Variants in VPREB3 observed in about 807,000 individuals in gnomAD.
VPREB3 encodes the protein V-set pre-B cell surrogate light chain 3.
Under a neutral mutation model 12.9 loss-of-function variants are expected in VPREB3, and 14 were observed. The ratio of observed to expected loss-of-function variants is 1.09; its 90% CI spans 0.72 to 1.70. VPREB3 has a LOEUF of 1.70. Among genes scored for constraint, VPREB3 ranks in the 40% most tolerant of loss-of-function variants. VPREB3 has a pLI of 0.00. For synonymous variants in VPREB3, 78 were observed against 70.1 expected (o/e 1.11, Z -0.56); for missense variants, 165 against 159.6 (o/e 1.03, Z -0.18).
At position 23,752,962 on chromosome 22, in the gene VPREB3, T is replaced by C; in HGVS notation, c.286A>G (p.Asn96Asp). 2 of 1,614,076 alleles carry C rather than the reference T, an allele frequency of 1.2e-6. No individual in the cohort carries two copies. Among genetic ancestry groups the C allele is most frequent in the African/African-American group, 1.3e-5 (1 of 74,996 alleles). The change falls in exon 2 of 2, where the codon AAT (asparagine) becomes GAT (aspartate). Residue 96 changes from asparagine to aspartate, a missense_variant. Asn to Asp is a conservative substitution (Grantham distance 23). Transcript: ENST00000248948. The part of the protein sequence containing the change: ...RFSAAKDEAH[N>D]ACVLTISPVQ... ...GGACTAATGGTGAGGACACAGGCAT[T>C]GTGGGCCTCATCCTTGGCTGCCGAG... is the stretch of plus-strand genomic sequence containing the variant.
chr22:23,754,373 C>T lies in VPREB3; in HGVS notation c.-10G>A. 1.2e-6 allele frequency: 2 copies of T among 1,606,786 alleles called. No homozygotes were observed. Among genetic ancestry groups the T allele is most frequent in the South Asian group, 1.1e-5 (1 of 89,460 alleles). On this transcript the variant is annotated 5_prime_UTR_variant, in exon 1 of 2. Coordinates refer to ENST00000248948, the MANE Select transcript of VPREB3 (RefSeq NM_013378.3). ...GGCACCGGCAGGCCATGGCCAGAGG[C>T]AGGGAGGCAGGCAAGTAGAAGTTCT...
At chr22:23,754,286 C>A in intron 1 of VPREB3, 29 bp downstream of exon 1, 1 of 1,583,322 alleles carries the variant, frequency 6.3e-7, no homozygotes, top group South Asian at 1.2e-5. Context: ...ACCCCACACC[C>A]AGGTGACTGA....
intron 1 of VPREB3, among the ~76,000 whole-genome samples, chr22:23,753,786 G>A (rs1925432630): frequency 6.6e-6 from 1 of 152,196 alleles, no homozygotes; most frequent in African/African-American, 2.4e-5. Flanking sequence ...CAGGGCTCTA[G>A]TGATCTGGTC....
chr22:23,754,344 C>T lies in VPREB3; in HGVS notation c.20G>A (p.Ser7Asn), dbSNP rs770720166. 6.2e-7 allele frequency: 1 copy of T among 1,609,848 alleles called. No individual in the cohort carries two copies. The highest frequency in any genetic ancestry group is 8.5e-7 in the Non-Finnish European group (1 of 1,178,332). The change falls in exon 1 of 2, where the codon AGC becomes AAC. Residue 7 changes from serine to asparagine, a missense_variant. By Grantham distance (46) the Ser-to-Asn change is conservative. Coordinates refer to ENST00000248948, the MANE Select transcript of VPREB3 (RefSeq NM_013378.3). Reference protein sequence around the residue: MACRCLSFLLMGTFLSV... With the variant: MACRCLNFLLMGTFLSV... ...CAGGAAGGTCCCCATCAGAAGGAAG[C>T]TGAGGCACCGGCAGGCCATGGCCAG...
chr22:23,752,995 C>T lies in VPREB3; in HGVS notation c.253G>A (p.Asp85Asn), dbSNP rs560432675. 24 of 1,614,114 alleles carry T rather than the reference C, an allele frequency of 1.5e-5. No homozygotes were observed. In the Admixed American group the frequency reaches 2.0e-4, roughly 13 times the overall value. Reference sequence around the variant, plus strand: ...TCATCCTTGGCTGCCGAGAATCGATCGGGGATGTCAGCAGGCCGGTGGTGA... The same window carrying T: ...TCATCCTTGGCTGCCGAGAATCGATTGGGGATGTCAGCAGGCCGGTGGTGA... ...EDHHRPADIP[D>N]RFSAAKDEAH... Residue 85 changes from aspartate to asparagine, a missense_variant, in exon 2 of 2, where the codon GAT becomes AAT. Transcript: ENST00000248948.
Position 23,754,316 on chromosome 22 carries a change from T to G in VPREB3, c.48A>C (p.Ser16=), listed in dbSNP as rs201154920. 290 of 1,604,340 alleles carry G rather than the reference T, an allele frequency of 1.8e-4. 2 individuals are homozygous for G. In the East Asian group the frequency reaches 6.3e-3, roughly 35 times the overall value. ...LSFLLMGTFL[S]VSQTVLAQLD... is the part of the protein sequence containing the mutation. ...GACTGAGGCCCAGGAAAGATTCACC[T>G]GACAGGAAGGTCCCCATCAGAAGGA... Residue 16 remains serine (S), a splice_region_variant and synonymous_variant, in exon 1 of 2, where the codon TCA becomes TCC. Transcript: ENST00000248948.
In VPREB3 at chr22:23,753,222, C is replaced by T. The variant is rs1228700162; in HGVS notation, c.50-24G>A. ...AACTGCGAGACACAAACCCACTCAG[C>T]CTGAGCCCCTTCCCTCCCACCCCTG... is the stretch of plus-strand genomic sequence containing the variant. On this transcript the variant is annotated intron_variant, in intron 1 of 1. Coordinates refer to ENST00000248948, the MANE Select transcript of VPREB3 (RefSeq NM_013378.3). 3 of 1,545,918 alleles carry T rather than the reference C, an allele frequency of 1.9e-6. No homozygotes were observed. In the African/African-American group the frequency reaches 4.1e-5, roughly 21 times the overall value.
Position 23,753,134 on chromosome 22 carries a change from G to C in VPREB3, c.114C>G (p.Leu38=). 1.2e-6 allele frequency: 2 copies of C among 1,613,206 alleles called. No homozygotes were observed. The highest frequency in any genetic ancestry group is 1.7e-6 in the Non-Finnish European group (2 of 1,179,628). ...CGTGCTGGGGGCTGAGCGTGCAGGAGAGTTGAGCCACTTGGCCTGGGAAGA... is the reference window on the plus strand; with the variant it reads ...CGTGCTGGGGGCTGAGCGTGCAGGACAGTTGAGCCACTTGGCCTGGGAAGA... ...LLVFPGQVAQ[L]SCTLSPQHVT... is the part of the protein sequence containing the mutation. Residue 38 remains leucine, a synonymous_variant, in exon 2 of 2, where the codon CTC becomes CTG. Coordinates refer to ENST00000248948, the MANE Select transcript of VPREB3 (RefSeq NM_013378.3).
rs753547021 is a variant in VPREB3, at chr22:23,752,905, A to G, written c.343T>C (p.Cys115Arg). The stretch of plus-strand genomic sequence containing the variant: ...GGACTAAAGCCGTAGCCAACAGAGC[A>G]GTAGTAATCCGCGTCGTCTTCAGGC... ...VQPEDDADYY[C>R]SVGYGFSP is the part of the protein sequence containing the mutation. The change falls in exon 2 of 2, where the codon TGC (cysteine) becomes CGC (arginine). Residue 115 changes from cysteine (C) to arginine (R), a missense_variant. By Grantham distance (180) the Cys-to-Arg change is radical. Coordinates refer to ENST00000248948, the MANE Select transcript of VPREB3 (RefSeq NM_013378.3). The G allele has an allele frequency of 1.9e-6, 3 of 1,613,996 alleles. No homozygotes were observed. The highest frequency in any genetic ancestry group is 1.7e-6 in the Non-Finnish European group (2 of 1,179,884).
In VPREB3 at chr22:23,753,076, G is replaced by C. The variant is rs200623624; in HGVS notation, c.172C>G (p.Gln58Glu). Residue 58 changes from glutamine (Q) to glutamate (E), a missense_variant, in exon 2 of 2, where the codon CAG becomes GAG. Transcript: ENST00000248948. ...CGAGGGGCACTGCCTGCCCGCTGCT[G>C]GTACCAGGACACACCGTAGTCCCTG... Reference protein sequence around the residue: ...TIRDYGVSWYQQRAGSAPRYL... With the variant: ...TIRDYGVSWYEQRAGSAPRYL... 1 of 1,614,166 alleles carries C rather than the reference G, an allele frequency of 6.2e-7. No individual in the cohort carries two copies. Among genetic ancestry groups the C allele is most frequent in the African/African-American group, 1.3e-5 (1 of 75,034 alleles).
At position 23,754,379 on chromosome 22, in the gene VPREB3, G is replaced by A. The variant is rs751753592; in HGVS notation, c.-16C>T. ...GGCAGGCCATGGCCAGAGGCAGGGA[G>A]GCAGGCAAGTAGAAGTTCTGCAAGG... On this transcript the variant is annotated 5_prime_UTR_variant, in exon 1 of 2. Transcript: ENST00000248948. 4.4e-6 allele frequency: 7 copies of A among 1,605,562 alleles called. No individual in the cohort carries two copies. In the East Asian group the frequency reaches 1.6e-4, roughly 36 times the overall value.
At position 23,753,039 on chromosome 22, in the gene VPREB3, T is replaced by G; in HGVS notation, c.209A>C (p.Tyr70Ser). 8.7e-6 allele frequency: 14 copies of G among 1,614,042 alleles called. No homozygotes were observed. The highest frequency in any genetic ancestry group is 1.2e-5 in the Non-Finnish European group (14 of 1,179,996). Reference protein sequence around the residue: ...RAGSAPRYLLYYRSEEDHHRP... With the variant: ...RAGSAPRYLLSYRSEEDHHRP... ...GTGGTGATCCTCCTCCGAGCGGTAG[T>G]AGAGGAGATATCGAGGGGCACTGCC... The change falls in exon 2 of 2, where the codon TAC (tyrosine) becomes TCC (serine). Residue 70 changes from tyrosine (Y) to serine (S), a missense_variant. By Grantham distance (144) the Tyr-to-Ser change is moderately radical. Transcript: ENST00000248948.
chr22:23,754,312 C>T lies in VPREB3; in HGVS notation c.49+3G>A, dbSNP rs201691683. ...AGGTGACTGAGGCCCAGGAAAGATT[C>T]ACCTGACAGGAAGGTCCCCATCAGA... On this transcript the variant is annotated splice_donor_region_variant and intron_variant, in intron 1 of 1. Transcript: ENST00000248948. 1.9e-6 allele frequency: 3 copies of T among 1,602,000 alleles called. No individual in the cohort carries two copies. Among genetic ancestry groups the T allele is most frequent in the South Asian group, 2.3e-5 (2 of 88,546 alleles).
rs768765456 is a variant in VPREB3, at chr22:23,752,889, CCG to C, written c.357_358del (p.Tyr119Ter). 31 of 1,611,380 alleles carry C rather than the reference CCG, an allele frequency of 1.9e-5. No individual in the cohort carries two copies. The highest frequency in any genetic ancestry group is 5.0e-5 in the Admixed American group (3 of 59,944). ...CACACCCCACCCCTAGGGACTAAAG[CCG>C]TAGCCAACAGAGCAGTAGTAATCCG... On this transcript the variant is annotated stop_gained and frameshift_variant, in exon 2 of 2. Transcript: ENST00000248948. LOFTEE classifies it high-confidence loss of function.
rs1925413698 is a variant in VPREB3, at chr22:23,753,102, A to T, written c.146T>A (p.Ile49Asn). 1 of 1,614,056 alleles carries T rather than the reference A, an allele frequency of 6.2e-7. No homozygotes were observed. The highest frequency in any genetic ancestry group is 8.5e-7 in the Non-Finnish European group (1 of 1,179,982). The stretch of plus-strand genomic sequence containing the variant: ...GTACCAGGACACACCGTAGTCCCTG[A>T]TGGTGACGTGCTGGGGGCTGAGCGT... ...SCTLSPQHVT[I>N]RDYGVSWYQQ... is the part of the protein sequence containing the mutation. The change falls in exon 2 of 2, where the codon ATC (isoleucine) becomes AAC (asparagine). Residue 49 changes from isoleucine to asparagine, a missense_variant. Physicochemically the swap from Ile to Asn is moderately radical, Grantham distance 149. Coordinates refer to ENST00000248948, the MANE Select transcript of VPREB3 (RefSeq NM_013378.3).
Position 23,753,172 on chromosome 22 carries a change from C to G in VPREB3, c.76G>C (p.Asp26His), listed in dbSNP as rs1180443911. 17 of 1,604,490 alleles carry G rather than the reference C, an allele frequency of 1.1e-5. No homozygotes were observed. Among genetic ancestry groups the G allele is most frequent in the Non-Finnish European group, 1.4e-5 (17 of 1,175,762 alleles). The change falls in exon 2 of 2, where the codon GAT becomes CAT. Residue 26 changes from aspartate (D) to histidine (H), a missense_variant. Asp to His is a moderately conservative substitution (Grantham distance 81, BLOSUM62 -1). Transcript: ENST00000248948. Reference protein sequence around the residue: ...SVSQTVLAQLDALLVFPGQVA... With the variant: ...SVSQTVLAQLHALLVFPGQVA... ...TGGCCTGGGAAGACCAGCAGTGCAT[C>G]CAGCTGGGCCAGGACTGTCTGGGAA...
At position 23,752,881 on chromosome 22, in the gene VPREB3, G is replaced by A. The variant is rs1404689338; in HGVS notation, c.367C>T (p.Pro123Ser). The stretch of plus-strand genomic sequence containing the variant: ...ACCCATCTCACACCCCACCCCTAGG[G>A]ACTAAAGCCGTAGCCAACAGAGCAG... ...YYCSVGYGFS[P>S] Residue 123 changes from proline (P) to serine (S), a missense_variant, in exon 2 of 2, where the codon CCC (proline) becomes TCC (serine). Pro to Ser is a moderately conservative substitution (Grantham distance 74, BLOSUM62 -1). Transcript: ENST00000248948. 6.2e-7 allele frequency: 1 copy of A among 1,610,276 alleles called. No homozygotes were observed. Among genetic ancestry groups the A allele is most frequent in the Admixed American group, 1.7e-5 (1 of 59,900 alleles).
Position 23,753,189 on chromosome 22 carries a change from G to A in VPREB3, c.59C>T (p.Thr20Ile), listed in dbSNP as rs748800620. The A allele has an allele frequency of 4.4e-6, 7 of 1,594,428 alleles. No individual in the cohort carries two copies. The Admixed American group carries it at 1.2e-4, about 28-fold the overall frequency. ...LMGTFLSVSQ[T>I]VLAQLDALLV... is the part of the protein sequence containing the mutation. ...CAGTGCATCCAGCTGGGCCAGGACTGTCTGGGAAACTGCGAGACACAAACC... is the reference window on the plus strand; with the variant it reads ...CAGTGCATCCAGCTGGGCCAGGACTATCTGGGAAACTGCGAGACACAAACC... Residue 20 changes from threonine (T) to isoleucine (I), a missense_variant, in exon 2 of 2, where the codon ACA becomes ATA. Coordinates refer to ENST00000248948, the MANE Select transcript of VPREB3 (RefSeq NM_013378.3).
intron 1 of VPREB3, 78 bp downstream of exon 1, chr22:23,754,237 C>T: frequency 1.3e-6 from 2 of 1,492,900 alleles, no homozygotes. Flanking sequence ...CATCGATTTG[C>T]CTCCTTGCAG....
Sources: allele counts gnomAD v4.1 joint callset (sites outside exome capture counted in the v4.1 genomes callset), GRCh38; gene constraint gnomAD v4.1.1; transcripts MANE v1.5; gene names NCBI Gene and HGNC (gene_info 2026-07-23, HGNC 2026-07-21).